PCCA: variants seen among roughly 807,000 people sequenced by gnomAD.
The protein encoded by PCCA is propionyl-CoA carboxylase alpha chain, mitochondrial.
In PCCA, 74 loss-of-function variants were observed where a neutral mutation model predicts 101.3. The ratio of observed to expected loss-of-function variants is 0.73; its 90% confidence interval spans 0.61 to 0.89. PCCA has a LOEUF of 0.89. Ranked by LOEUF, PCCA falls within the 40% of genes least tolerant of loss-of-function variation. The probability of loss-of-function intolerance (pLI) is 0.00; values close to 1 mark genes in which losing one functional copy is unlikely to be tolerated. For synonymous variants in PCCA, 294 were observed against 313.6 expected (o/e 0.94, Z 0.66); for missense variants, 891 against 907.0 (o/e 0.98, Z 0.23).
At chr13:100,130,740 A>G (rs757757179) in intron 4 of PCCA, among the ~76,000 whole-genome samples, 1 of 152,208 alleles carries the variant, frequency 6.6e-6, no homozygotes, top group Non-Finnish European at 1.5e-5. Flanking sequence ...AGGGGACTTT[A>G]TAATTAAATA....
intron 21 of PCCA, among the ~76,000 whole-genome samples, chr13:100,495,260 T>C (rs2085195326): frequency 6.6e-6 from 1 of 152,190 alleles, no homozygotes; most frequent in South Asian, 2.1e-4. Flanking sequence ...ACAATTTACC[T>C]CTACATGTGC....
rs369418213 is a variant in PCCA, at chr13:100,180,510, C to T, written c.468+23170C>T. Among the ~76,000 whole-genome samples the T allele has an allele frequency of 3.3e-5, 5 of 152,310 alleles. No individual in the cohort carries two copies. The South Asian group carries it at 1.0e-3, about 32-fold the overall frequency. ...ATTATTCAGTATTGAAAAACAGCCCCATAAGACAACCCATGGGAACCATTG... is the reference window on the plus strand; with the variant it reads ...ATTATTCAGTATTGAAAAACAGCCCTATAAGACAACCCATGGGAACCATTG... On this transcript the variant is annotated intron_variant, in intron 6 of 23. Coordinates refer to ENST00000376285, the MANE Select transcript of PCCA (RefSeq NM_000282.4).
intron 8 of PCCA, among the ~76,000 whole-genome samples, chr13:100,246,656 A>G (rs151309133): frequency 6.6e-6 from 1 of 152,188 alleles, no homozygotes; most frequent in African/African-American, 2.4e-5. Context: ...TAACTGAAAA[A>G]AAAATAGTTT....
chr13:100,368,327 A>T (rs574869077), intron 18 of PCCA, 145 bp from the exon 19 acceptor site: 1 of 593,742 alleles, frequency 1.7e-6, no homozygotes, highest in East Asian at 2.9e-5. Context: ...TAGATACATG[A>T]TGATTCTTAG....
chr13:100,428,508 C>G (rs374256248), intron 20 of PCCA, among the ~76,000 whole-genome samples: 1 of 151,948 alleles, frequency 6.6e-6, no homozygotes, highest in Admixed American at 6.6e-5. Flanking sequence ...AAACTTGGTC[C>G]GTGGCAGTCA....
chr13:100,089,607 C>T (rs1354001442), intron 1 of PCCA, among the ~76,000 whole-genome samples: 1 of 152,206 alleles, frequency 6.6e-6, no homozygotes, highest in Non-Finnish European at 1.5e-5. Flanking sequence ...CTTATAGTTT[C>T]CGTGTTCTGT....
chr13:100,323,362 C>A (rs1420105248), intron 16 of PCCA, among the ~76,000 whole-genome samples: 1 of 151,868 alleles, frequency 6.6e-6, no homozygotes, highest in African/African-American at 2.4e-5. Flanking sequence ...CACTCTGTCA[C>A]CCAGGCTGGA....
intron 18 of PCCA, among the ~76,000 whole-genome samples, chr13:100,341,959 A>G (rs1405044143): frequency 3.4e-5 from 1 of 29,346 alleles, no homozygotes; most frequent in South Asian, 1.9e-3. Context: ...CCTTCAAAGT[A>G]TATATATATA....
At chr13:100,090,854 A>G (rs113087443) in intron 1 of PCCA, among the ~76,000 whole-genome samples, 2 of 152,366 alleles carry the variant, frequency 1.3e-5, no homozygotes, top group African/African-American at 2.4e-5. Context: ...TATAGTGCCA[A>G]TAAGTGGCAA....
chr13:100,478,108 T>C (rs572070187), intron 21 of PCCA, among the ~76,000 whole-genome samples: 23 of 152,356 alleles, frequency 1.5e-4, no homozygotes, highest in African/African-American at 4.1e-4. Context: ...AAGCCCGCAA[T>C]TCATTGCATT....
intron 21 of PCCA, among the ~76,000 whole-genome samples, chr13:100,495,679 A>G (rs1258128843): frequency 2.0e-5 from 3 of 152,232 alleles, no homozygotes; most frequent in African/African-American, 2.4e-5. Flanking sequence ...ACTTCCAATT[A>G]TCACTCTGTG....
At chr13:100,290,427 G>C (rs952935279) in intron 12 of PCCA, among the ~76,000 whole-genome samples, 11 of 152,128 alleles carry the variant, frequency 7.2e-5, no homozygotes, top group African/African-American at 2.7e-4. Flanking sequence ...TGCCCAGCCT[G>C]GTCTCAAACT....
chr13:100,331,636 G>C (rs1365044405), intron 17 of PCCA, among the ~76,000 whole-genome samples: 1 of 151,986 alleles, frequency 6.6e-6, no homozygotes, highest in Non-Finnish European at 1.5e-5. Flanking sequence ...TTAGTATTAA[G>C]GCAAATGAAG....
At chr13:100,334,182 T>C (rs1298431945) in intron 17 of PCCA, among the ~76,000 whole-genome samples, 2 of 152,198 alleles carry the variant, frequency 1.3e-5, no homozygotes, top group Non-Finnish European at 2.9e-5. Context: ...GCATTTAGAC[T>C]ATTGGAATAC....
intron 5 of PCCA, among the ~76,000 whole-genome samples, 168 bp downstream of exon 5, chr13:100,155,260 C>CT (rs1319736120): frequency 6.6e-6 from 1 of 152,180 alleles, no homozygotes; most frequent in Non-Finnish European, 1.5e-5. Context: ...AAATCAAAGG[C>CT]TTTGTAGCAT....
intron 4 of PCCA, among the ~76,000 whole-genome samples, chr13:100,148,140 A>T (rs909050668): frequency 6.6e-6 from 1 of 151,942 alleles, no homozygotes; most frequent in Admixed American, 6.6e-5. Flanking sequence ...GTTAGCCAGG[A>T]TGGAGTGCAG....
chr13:100,227,146 G>GT lies in PCCA; in HGVS notation c.601-8686dup, dbSNP rs370047489. 2.5e-3 allele frequency among the ~76,000 whole-genome samples: 370 copies of GT among 147,108 alleles called. 3 individuals are homozygous for GT. Among genetic ancestry groups the GT allele is most frequent in the East Asian group, 0.011 (54 of 5,052 alleles). ...GCCACCACGCCCGGCTAATTTTTTT[G>GT]TTTTTTTTTTGGTAGAGACGGGGTT... On this transcript the variant is annotated intron_variant, in intron 7 of 23. Coordinates refer to ENST00000376285, the MANE Select transcript of PCCA (RefSeq NM_000282.4).
chr13:100,219,886 A>G (rs2059714550), intron 7 of PCCA, among the ~76,000 whole-genome samples: 1 of 152,124 alleles, frequency 6.6e-6, no homozygotes, highest in Non-Finnish European at 1.5e-5. Context: ...GGGAGCATCT[A>G]GTTTTATCTT....
At chr13:100,260,636 A>G (rs1429605968) in intron 9 of PCCA, among the ~76,000 whole-genome samples, 1 of 151,940 alleles carries the variant, frequency 6.6e-6, no homozygotes, top group African/African-American at 2.4e-5. Flanking sequence ...AGCTCAGGCA[A>G]TCCACCCGCC....
Sources: gnomAD v4.1 joint callset for allele counts (sites outside exome capture counted in the v4.1 genomes callset) on GRCh38, gnomAD v4.1.1 for gene constraint, MANE v1.5 for transcripts, NCBI Gene and HGNC (gene_info 2026-07-23, HGNC 2026-07-21) for gene names.